FOXK1: variants seen among roughly 807,000 people sequenced by gnomAD.
FOXK1 encodes the protein forkhead box K1.
A neutral mutation model predicts 51.9 loss-of-function variants in FOXK1; 19 were observed. The ratio of observed to expected loss-of-function variants is 0.37; its 90% CI spans 0.26 to 0.54. The LOEUF is 0.54. FOXK1 is among the 20% of genes least tolerant of loss of function. The pLI is 0.87. For missense variants in FOXK1, 870 were observed against 1,032.7 expected (o/e 0.84, Z 2.16); for synonymous variants, 537 against 482.6 (o/e 1.11, Z -1.48).
Position 4,761,427 on chromosome 7 carries a change from CA to C in FOXK1, c.1921+140del. The C allele has an allele frequency of 6.6e-6, 6 of 913,632 alleles. No homozygotes were observed. The highest frequency in any genetic ancestry group is 9.9e-6 in the Non-Finnish European group (6 of 604,500). 56.6% of individuals were successfully genotyped at this position (913,632 alleles called of 1,614,324 possible). The stretch of plus-strand genomic sequence containing the variant: ...TATTGAGCACCTGCTATACTCCAGG[CA>C]CTGGGGTAATGCAAAGAAAAAGAGG... On this transcript the variant is annotated intron_variant, in intron 8 of 8. Coordinates refer to ENST00000328914, the MANE Select transcript of FOXK1 (RefSeq NM_001037165.2). The surrounding 1 kb of genome is among the most constrained non-coding windows in gnomAD (Gnocchi z 6.2).
At position 4,762,139 on chromosome 7, in the gene FOXK1, G is replaced by A. The variant is rs201818414; in HGVS notation, c.1922-45G>A. ...TAGGGGACTTGAAAAAAGCAGCTGG[G>A]TCCTAACCAGACCCCAGAGTAACCC... On this transcript the variant is annotated intron_variant, in intron 8 of 8. Transcript: ENST00000328914. This position sits in a 1 kb window ranked among gnomAD's most constrained non-coding sequence, Gnocchi z 5.7. The A allele has an allele frequency of 1.3e-3, 1,962 of 1,521,702 alleles. 4 individuals carry two copies. Among genetic ancestry groups the A allele is most frequent in the Non-Finnish European group, 1.6e-3 (1,816 of 1,128,120 alleles). The allele number at this position is 1,521,702 out of a possible 1,614,324, so 94.3% of individuals were successfully genotyped here.
At position 4,756,373 on chromosome 7, in the gene FOXK1, C is replaced by T. The variant is rs944815070; in HGVS notation, c.1051-621C>T. 2.6e-5 allele frequency among the ~76,000 whole-genome samples: 4 copies of T among 152,078 alleles called. No individual in the cohort carries two copies. The highest frequency in any genetic ancestry group is 7.2e-5 in the African/African-American group (3 of 41,446). Reference sequence around the variant, plus strand: ...CAGGTAATCCTGCCAGCCTCGGCTTCCCAAAGTGCTGGGATTACAGGCGTG... The same window carrying T: ...CAGGTAATCCTGCCAGCCTCGGCTTTCCAAAGTGCTGGGATTACAGGCGTG... On this transcript the variant is annotated intron_variant, in intron 4 of 8. Transcript: ENST00000328914. This position sits in a 1 kb window ranked among gnomAD's most constrained non-coding sequence, Gnocchi z 4.1.
intron 1 of FOXK1, among the ~76,000 whole-genome samples, chr7:4,687,811 G>A (rs749766714): frequency 9.2e-5 from 14 of 152,136 alleles, no homozygotes; most frequent in Non-Finnish European, 1.8e-4. Context: ...AACTTTGAGT[G>A]GTAAGATTCA....
intron 1 of FOXK1, among the ~76,000 whole-genome samples, chr7:4,695,532 C>A (rs886426352): frequency 6.6e-6 from 1 of 152,100 alleles, no homozygotes; most frequent in African/African-American, 2.4e-5. Flanking sequence ...AGGCGGGGCG[C>A]GGTGGCTCAT....
At chr7:4,714,443 T>A (rs949045700) in intron 1 of FOXK1, among the ~76,000 whole-genome samples, 13 of 152,202 alleles carry the variant, frequency 8.5e-5, no homozygotes, top group Non-Finnish European at 1.8e-4. Flanking sequence ...CATGCCCGGC[T>A]AATTTTTGTT....
rs1303495529 is a variant in FOXK1, at chr7:4,722,970, G to A, written c.561-17868G>A. On this transcript the variant is annotated intron_variant, in intron 1 of 8. Transcript: ENST00000328914. The surrounding 1 kb of genome is among the most constrained non-coding windows in gnomAD (Gnocchi z 5.1). ...TTGTAGGAAGAACCCCCAGGAGCAG[G>A]TGGCCGACGCAGGCACCCTCAGATC... 6.6e-6 allele frequency among the ~76,000 whole-genome samples: 1 copy of A among 152,124 alleles called. No homozygotes were observed. The highest frequency in any genetic ancestry group is 1.5e-5 in the Non-Finnish European group (1 of 68,028).
At chr7:4,701,840 C>T (rs926124183) in intron 1 of FOXK1, among the ~76,000 whole-genome samples, 2 of 152,220 alleles carry the variant, frequency 1.3e-5, no homozygotes, top group African/African-American at 4.8e-5. Flanking sequence ...TTGCAGTGAG[C>T]GGAGATCGCG....
At chr7:4,686,425 T>C (rs1011822318) in intron 1 of FOXK1, among the ~76,000 whole-genome samples, 3 of 152,080 alleles carry the variant, frequency 2.0e-5, no homozygotes, top group African/African-American at 7.2e-5. Flanking sequence ...TATTTTTAAT[T>C]ATTGGTGGGG....
Position 4,753,959 on chromosome 7 carries a change from C to A in FOXK1, c.747-500C>A, listed in dbSNP as rs577388071. 6.6e-6 allele frequency among the ~76,000 whole-genome samples: 1 copy of A among 152,204 alleles called. No individual in the cohort carries two copies. Among genetic ancestry groups the A allele is most frequent in the African/African-American group, 2.4e-5 (1 of 41,450 alleles). Reference sequence around the variant, plus strand: ...GTGTCTCCAGGAGAGCCACCTGCCACGCCTTCACCCTGCAGGGCGATGGCA... The same window carrying A: ...GTGTCTCCAGGAGAGCCACCTGCCAAGCCTTCACCCTGCAGGGCGATGGCA... On this transcript the variant is annotated intron_variant, in intron 2 of 8. Transcript: ENST00000328914. This position sits in a 1 kb window ranked among gnomAD's most constrained non-coding sequence, Gnocchi z 4.9.
At chr7:4,686,742 G>A (rs757095412) in intron 1 of FOXK1, among the ~76,000 whole-genome samples, 2 of 151,976 alleles carry the variant, frequency 1.3e-5, no homozygotes, top group African/African-American at 4.8e-5. Context: ...ACAAATTAAT[G>A]ACCACATGAA....
chr7:4,720,806 C>T (rs1029341654), intron 1 of FOXK1, among the ~76,000 whole-genome samples: 2 of 151,648 alleles, frequency 1.3e-5, no homozygotes, highest in African/African-American at 4.8e-5. Flanking sequence ...GCAACCTCTA[C>T]CTCCTGGGTT....
At chr7:4,698,614 A>G (rs1472508834) in intron 1 of FOXK1, among the ~76,000 whole-genome samples, 2 of 152,130 alleles carry the variant, frequency 1.3e-5, no homozygotes, top group Non-Finnish European at 2.9e-5. Flanking sequence ...GTACAGTGGC[A>G]CAGTCATAGC....
chr7:4,733,219 G>C lies in FOXK1; in HGVS notation c.561-7619G>C, dbSNP rs527245540. Among the ~76,000 whole-genome samples the C allele has an allele frequency of 2.6e-5, 4 of 151,692 alleles. No homozygotes were observed. The East Asian group carries it at 7.7e-4, about 29-fold the overall frequency. ...TTTATTATTTTTTTATTTCAAGCTG[G>C]GTTCTTGCTGTGTTGCCCAGGCTGG... On this transcript the variant is annotated intron_variant, in intron 1 of 8. Coordinates refer to ENST00000328914, the MANE Select transcript of FOXK1 (RefSeq NM_001037165.2). This position sits in a 1 kb window ranked among gnomAD's most constrained non-coding sequence, Gnocchi z 5.0.
rs1303135413 is a variant in FOXK1 at position 4,731,668 on chromosome 7, G to A, written c.561-9170G>A. Among the ~76,000 whole-genome samples, 1 of 151,310 alleles carries A rather than the reference G, an allele frequency of 6.6e-6. No homozygotes were observed. Among genetic ancestry groups the A allele is most frequent in the Non-Finnish European group, 1.5e-5 (1 of 67,924 alleles). ...CCAGCTACTCGGGAGGCTGAGGCAG[G>A]AGAATCGCTTGGACCTGGAGGCGGA... On this transcript the variant is annotated intron_variant, in intron 1 of 8. Coordinates refer to ENST00000328914, the MANE Select transcript of FOXK1 (RefSeq NM_001037165.2). The surrounding 1 kb of genome is among the most constrained non-coding windows in gnomAD (Gnocchi z 5.3).
At position 4,683,918 on chromosome 7, in the gene FOXK1, C is replaced by T. The variant is rs991954345; in HGVS notation, c.560+1050C>T. Among the ~76,000 whole-genome samples the T allele has an allele frequency of 3.3e-5, 5 of 152,178 alleles. No homozygotes were observed. The highest frequency in any genetic ancestry group is 7.3e-5 in the Non-Finnish European group (5 of 68,038). On this transcript the variant is annotated intron_variant, in intron 1 of 8. Coordinates refer to ENST00000328914, the MANE Select transcript of FOXK1 (RefSeq NM_001037165.2). This position sits in a 1 kb window ranked among gnomAD's most constrained non-coding sequence, Gnocchi z 4.5. The stretch of plus-strand genomic sequence containing the variant: ...GGAAGCCTGTGCCTCAGTTTACATC[C>T]CCAACTAGTGCTCCTTGGATGGAGT...
At chr7:4,738,030 G>A (rs1554253101) in intron 1 of FOXK1, among the ~76,000 whole-genome samples, 1 of 150,936 alleles carries the variant, frequency 6.6e-6, no homozygotes, top group South Asian at 2.1e-4. Flanking sequence ...GCTGAGGCAG[G>A]AGAATCACTT....
chr7:4,689,414 A>C (rs960187956), intron 1 of FOXK1, among the ~76,000 whole-genome samples: 12 of 152,168 alleles, frequency 7.9e-5, no homozygotes, highest in African/African-American at 2.4e-5. Flanking sequence ...CCAGCAGAAA[A>C]AGTAATTGTA....
intron 7 of FOXK1, chr7:4,759,873 A>G: frequency 1.9e-6 from 1 of 537,884 alleles, no homozygotes; most frequent in Non-Finnish European, 3.3e-6. Flanking sequence ...TCTACTGAAA[A>G]TACAAAAATT....
In FOXK1 at chr7:4,711,198, C is replaced by G. The variant is rs1262513094; in HGVS notation, c.560+28330C>G. 6.6e-6 allele frequency among the ~76,000 whole-genome samples: 1 copy of G among 152,180 alleles called. No individual in the cohort carries two copies. ...TGCCCCGGGCAGCATGTGCCCAGCT[C>G]TGTTCAGGAAGCGTTGTGCTGGTGT... is the stretch of plus-strand genomic sequence containing the variant. On this transcript the variant is annotated intron_variant, in intron 1 of 8. Coordinates refer to ENST00000328914, the MANE Select transcript of FOXK1 (RefSeq NM_001037165.2). This position sits in a 1 kb window ranked among gnomAD's most constrained non-coding sequence, Gnocchi z 6.3.
Sources: allele counts gnomAD v4.1 joint callset (sites outside exome capture counted in the v4.1 genomes callset), GRCh38; gene constraint gnomAD v4.1.1; non-coding constraint Gnocchi (gnomAD v3.1); transcripts MANE v1.5; gene names NCBI Gene and HGNC (gene_info 2026-07-23, HGNC 2026-07-21).